Variants in WDPCP observed in about 807,000 individuals in gnomAD.
WDPCP encodes the protein WD repeat-containing and planar cell polarity effector protein fritz homolog.
A neutral mutation model predicts 93.1 loss-of-function variants in WDPCP; 71 were observed. The observed-to-expected ratio is 0.76, with a 90% CI of 0.63 to 0.93. WDPCP has a LOEUF of 0.93. WDPCP is among the 40% of genes least tolerant of loss of function. The pLI is 0.00. For synonymous variants in WDPCP, 315 were observed against 315.0 expected (o/e 1.00, Z 0.00); for missense variants, 844 against 887.4 (o/e 0.95, Z 0.62).
At chr2:63,661,066 G>A (rs1575741311) in intron 2 of WDPCP, among the ~76,000 whole-genome samples, 1 of 152,146 alleles carries the variant, frequency 6.6e-6, no homozygotes, top group East Asian at 1.9e-4. Context: ...GAATGTATGA[G>A]TTATCTATTG....
intron 3 of WDPCP, among the ~76,000 whole-genome samples, chr2:63,638,702 T>C (rs1163933030): frequency 6.6e-6 from 1 of 151,200 alleles, no homozygotes; most frequent in Non-Finnish European, 1.5e-5. Flanking sequence ...GGTGGGAGGA[T>C]CACTTGAGCC....
chr2:63,402,633 C>A (rs1283312013), intron 10 of WDPCP, among the ~76,000 whole-genome samples: 1 of 152,174 alleles, frequency 6.6e-6, no homozygotes, highest in Non-Finnish European at 1.5e-5. Flanking sequence ...GATACCATCA[C>A]ACACCAGTCA....
intron 1 of WDPCP, among the ~76,000 whole-genome samples, chr2:63,551,125 C>T (rs952758625): frequency 1.3e-5 from 2 of 151,904 alleles, no homozygotes; most frequent in African/African-American, 4.8e-5. Context: ...GCATTTATTC[C>T]AAGATTTCAA....
intron 1 of WDPCP, among the ~76,000 whole-genome samples, chr2:63,566,159 A>C (rs1056189660): frequency 1.3e-5 from 2 of 152,210 alleles, no homozygotes; most frequent in African/African-American, 4.8e-5. Flanking sequence ...ACGTCTGTGA[A>C]AAGAAAATAT....
intron 12 of WDPCP, among the ~76,000 whole-genome samples, chr2:63,372,376 G>GT (rs1210141969): frequency 3.9e-5 from 6 of 152,032 alleles, no homozygotes; most frequent in African/African-American, 7.2e-5. Flanking sequence ...ACAAACTTCT[G>GT]TTTTTTTGGT....
chr2:63,486,029 T>A (rs542890175), intron 4 of WDPCP, among the ~76,000 whole-genome samples: 25 of 151,770 alleles, frequency 1.6e-4, no homozygotes, highest in Non-Finnish European at 3.2e-4. Context: ...AATGGGATTT[T>A]CAGCTCTAGC....
intron 12 of WDPCP, among the ~76,000 whole-genome samples, chr2:63,335,624 G>C (rs1454729815): frequency 6.6e-6 from 1 of 152,018 alleles, no homozygotes; most frequent in Admixed American, 6.6e-5. Context: ...TTCATTGCTG[G>C]TGTAGAAAAA....
At chr2:63,800,503 T>C (rs568174358) in intron 2 of WDPCP, among the ~76,000 whole-genome samples, 1 of 152,214 alleles carries the variant, frequency 6.6e-6, no homozygotes, top group East Asian at 1.9e-4. Context: ...ATTAAATAAA[T>C]AAATGAACAA....
At chr2:63,504,089 T>C (rs1701719220) in intron 1 of WDPCP, among the ~76,000 whole-genome samples, 1 of 152,082 alleles carries the variant, frequency 6.6e-6, no homozygotes, top group African/African-American at 2.4e-5. Flanking sequence ...AATGGCTTCT[T>C]ATAAAAAGTG....
chr2:63,780,795 C>A (rs1171549874), intron 2 of WDPCP, among the ~76,000 whole-genome samples: 1 of 152,154 alleles, frequency 6.6e-6, no homozygotes, highest in Non-Finnish European at 1.5e-5. Context: ...ATTATGGTAA[C>A]TAACTTCAGG....
At chr2:63,227,780 A>T (rs1353140425) in intron 14 of WDPCP, among the ~76,000 whole-genome samples, 1 of 152,122 alleles carries the variant, frequency 6.6e-6, no homozygotes, top group Non-Finnish European at 1.5e-5. Context: ...ATGTGCTAAT[A>T]GTAGTTATTT....
chr2:63,382,248 G>C (rs10186743), intron 10 of WDPCP, among the ~76,000 whole-genome samples, 154 bp from the exon 11 acceptor site: 85,732 of 151,982 alleles, frequency 0.56, 24,531 homozygotes, highest in Admixed American at 0.64. Context: ...TTTGCTATAA[G>C]ATACACTGAT....
chr2:63,165,340 A>G (rs1051157630), intron 15 of WDPCP, among the ~76,000 whole-genome samples: 1 of 152,156 alleles, frequency 6.6e-6, no homozygotes, highest in Admixed American at 6.5e-5. Flanking sequence ...AATATGGTAT[A>G]TGATATTAAT....
At chr2:63,344,768 A>G (rs1305983233) in intron 12 of WDPCP, among the ~76,000 whole-genome samples, 1 of 152,212 alleles carries the variant, frequency 6.6e-6, no homozygotes, top group African/African-American at 2.4e-5. Flanking sequence ...CCTCTGTATC[A>G]GTTCCTCTGG....
intron 2 of WDPCP, among the ~76,000 whole-genome samples, chr2:63,740,736 C>T (rs566703778): frequency 2.2e-4 from 33 of 152,214 alleles, no homozygotes; most frequent in African/African-American, 7.7e-4. Context: ...CTTCCTCAAA[C>T]CACAATTTCC....
intron 6 of WDPCP, among the ~76,000 whole-genome samples, chr2:63,481,861 A>C (rs1205845323): frequency 6.6e-6 from 1 of 151,988 alleles, no homozygotes; most frequent in Non-Finnish European, 1.5e-5. Flanking sequence ...ATGTAACCAA[A>C]CACCACCTGT....
intron 1 of WDPCP, among the ~76,000 whole-genome samples, chr2:63,586,159 G>C (rs1391419255): frequency 6.6e-6 from 1 of 152,142 alleles, no homozygotes; most frequent in East Asian, 1.9e-4. Flanking sequence ...CTATAAAAAA[G>C]CATAAGATCT....
intron 9 of WDPCP, among the ~76,000 whole-genome samples, chr2:63,410,132 C>A (rs1200778525): frequency 6.6e-6 from 1 of 152,084 alleles, no homozygotes; most frequent in Non-Finnish European, 1.5e-5. Context: ...CACGTGGTAA[C>A]CTAAAAAGGA....
chr2:63,321,836 C>T lies in WDPCP; in HGVS notation c.1749-8525G>A, dbSNP rs142122914. On this transcript the variant is annotated intron_variant, in intron 12 of 17. Coordinates refer to ENST00000272321, the MANE Select transcript of WDPCP (RefSeq NM_015910.7). The stretch of plus-strand genomic sequence containing the variant: ...AGGAATGTTTACATTTTTATAAACT[C>T]AAGTATGTATAATTAATGTAATTCT... 5.8e-3 allele frequency among the ~76,000 whole-genome samples: 886 copies of T among 152,182 alleles called. 3 individuals are homozygous for T. Among genetic ancestry groups the T allele is most frequent in the Non-Finnish European group, 8.2e-3 (560 of 68,010 alleles).
Sources: gnomAD v4.1 joint callset for allele counts (sites outside exome capture counted in the v4.1 genomes callset) on GRCh38, gnomAD v4.1.1 for gene constraint, MANE v1.5 for transcripts, NCBI Gene and HGNC (gene_info 2026-07-23, HGNC 2026-07-21) for gene names.